The following LOXHD1 variants were observed in gnomAD, a reference collection of about 807,000 sequenced individuals.
LOXHD1 encodes the protein lipoxygenase homology PLAT domains 1.
Under a neutral mutation model 248.2 loss-of-function variants are expected in LOXHD1, and 205 were observed. The observed-to-expected ratio is 0.83, with a 90% CI of 0.74 to 0.93. LOXHD1 has a LOEUF of 0.93. Ranked by LOEUF, LOXHD1 falls within the 40% of genes least tolerant of loss-of-function variation. The probability of loss-of-function intolerance (pLI) is 0.00; values close to 1 mark genes in which losing one functional copy is unlikely to be tolerated. For missense variants in LOXHD1, 2,930 were observed against 2,971.6 expected (o/e 0.99, Z 0.33); for synonymous variants, 1,113 against 1,162.8 (o/e 0.96, Z 0.87).
intron 10 of LOXHD1, among the ~76,000 whole-genome samples, chr18:46,593,199 A>T (rs200609583): frequency 1.0e-4 from 7 of 69,586 alleles, no homozygotes; most frequent in Non-Finnish European, 1.6e-4. Flanking sequence ...GCTGAATTTT[A>T]AAAAAAGTTC....
At chr18:46,652,103 A>T (rs1252985566) in intron 1 of LOXHD1, among the ~76,000 whole-genome samples, 1 of 152,236 alleles carries the variant, frequency 6.6e-6, no homozygotes, top group Non-Finnish European at 1.5e-5. Context: ...TCTCAAGTGC[A>T]TTCTATGCAC....
intron 1 of LOXHD1, among the ~76,000 whole-genome samples, chr18:46,653,622 G>C (rs1026842607): frequency 6.6e-6 from 1 of 152,192 alleles, no homozygotes; most frequent in Non-Finnish European, 1.5e-5. Flanking sequence ...CTTAGCAACA[G>C]CCCAGCACAT....
chr18:46,643,513 C>T (rs1225098546), intron 2 of LOXHD1, among the ~76,000 whole-genome samples: 1 of 152,186 alleles, frequency 6.6e-6, no homozygotes, highest in Admixed American at 6.5e-5. Flanking sequence ...TTAAAGGGAA[C>T]TAAATCAAAC....
intron 20 of LOXHD1, chr18:46,558,997 C>T: frequency 1.9e-6 from 1 of 533,878 alleles, no homozygotes; most frequent in African/African-American, 1.9e-5. Flanking sequence ...ATTTCCACCT[C>T]CATATCTTTG....
intron 32 of LOXHD1, 73 bp downstream of exon 32, chr18:46,522,028 G>T: frequency 5.3e-6 from 3 of 566,262 alleles, no homozygotes; most frequent in South Asian, 1.8e-5. Context: ...GCACTCTCCC[G>T]CCCACCCAGG....
At chr18:46,615,912 T>C (rs2144323294) in intron 5 of LOXHD1, among the ~76,000 whole-genome samples, 1 of 152,352 alleles carries the variant, frequency 6.6e-6, no homozygotes, top group East Asian at 1.9e-4. Context: ...CATCATTCTT[T>C]TTGTCATTAT....
Position 46,646,531 on chromosome 18 carries a change from T to TA in LOXHD1, c.245+2623dup, listed in dbSNP as rs142252806. ...ACTGTGCTCAGATGATCTCTGTTGA[T>TA]ACGGTAAGTTGAAACTCCACCGGTC... On this transcript the variant is annotated intron_variant, in intron 2 of 40. Coordinates refer to ENST00000642948, the MANE Select transcript of LOXHD1 (RefSeq NM_001384474.1). Among the ~76,000 whole-genome samples the TA allele has an allele frequency of 7.2e-5, 11 of 152,298 alleles. No homozygotes were observed. In the East Asian group the frequency reaches 1.7e-3, roughly 24 times the overall value.
rs148468627 is a variant in LOXHD1, at chr18:46,477,695, C to T, written c.6599G>A (p.Arg2200Gln). 1,439 of 1,551,908 alleles carry T rather than the reference C, an allele frequency of 9.3e-4. 16 individuals are homozygous for T. The East Asian group carries it at 0.032, about 35-fold the overall frequency. The change falls in exon 41 of 41, where the codon CGG becomes CAG. Residue 2200 changes from arginine (R) to glutamine (Q), a missense_variant. Transcript: ENST00000642948. Reference protein sequence around the residue: ...LKQKMRNLFERGSTDRFFLET... With the variant: ...LKQKMRNLFEQGSTDRFFLET... ...CAGGAAGAAGCGGTCTGTGCTGCCC[C>T]GCTCGAAGAGGTTGCGCATTTTCTG...
At chr18:46,573,530 G>A (rs1443779177) in intron 14 of LOXHD1, among the ~76,000 whole-genome samples, 1 of 152,158 alleles carries the variant, frequency 6.6e-6, no homozygotes, top group East Asian at 1.9e-4. Flanking sequence ...ACTGGTTGTT[G>A]CAGCCCACTC....
intron 17 of LOXHD1, 101 bp from the exon 18 acceptor site, chr18:46,563,326 G>A (rs2037568966): frequency 4.2e-6 from 5 of 1,181,646 alleles, no homozygotes; most frequent in African/African-American, 1.5e-5. Context: ...CAGGTGCCTG[G>A]CGCTTTACAG....
intron 37 of LOXHD1, among the ~76,000 whole-genome samples, chr18:46,494,847 CTCTTT>C (rs1459039026): frequency 3.7e-4 from 42 of 113,422 alleles, no homozygotes; most frequent in African/African-American, 6.4e-4. Flanking sequence ...TTTTCTCTCT[CTCTTT>C]TTTTTTTTTT....
chr18:46,563,543 C>T (rs1334615444), intron 17 of LOXHD1, among the ~76,000 whole-genome samples: 2 of 152,288 alleles, frequency 1.3e-5, no homozygotes, highest in African/African-American at 4.8e-5. Flanking sequence ...TGCTGTGTGC[C>T]TGCCTGCTAC....
At position 46,477,299 on chromosome 18, in the gene LOXHD1, T is replaced by C; in HGVS notation, c.*173A>G. On this transcript the variant is annotated 3_prime_UTR_variant, in exon 41 of 41. Transcript: ENST00000642948. ...TATGACACATGCTAATTATTATCAC[T>C]GTAGGTTCAATAAACTGGGGGTAGG... 1 of 861,730 alleles carries C rather than the reference T, an allele frequency of 1.2e-6. No homozygotes were observed. The highest frequency in any genetic ancestry group is 1.9e-6 in the Non-Finnish European group (1 of 519,450). The allele number at this position is 861,730 out of a possible 1,614,324, so 53.4% of individuals were successfully genotyped here.
chr18:46,551,570 C>A (rs1424636892), intron 21 of LOXHD1, among the ~76,000 whole-genome samples: 4 of 152,118 alleles, frequency 2.6e-5, no homozygotes, highest in Non-Finnish European at 5.9e-5. Flanking sequence ...AATATGACAT[C>A]ACTATTAATA....
chr18:46,500,383 T>C (rs1456381230), intron 37 of LOXHD1, among the ~76,000 whole-genome samples: 2 of 152,202 alleles, frequency 1.3e-5, no homozygotes, highest in African/African-American at 4.8e-5. Context: ...TGAAGAAAGT[T>C]CTCCAGCATC....
At chr18:46,487,096 G>A (rs960910101) in intron 38 of LOXHD1, among the ~76,000 whole-genome samples, 9 of 152,144 alleles carry the variant, frequency 5.9e-5, no homozygotes, top group Admixed American at 3.3e-4. Context: ...CTCCCGTGGG[G>A]CCAGCACACC....
chr18:46,635,031 C>T (rs1252109878), intron 4 of LOXHD1, among the ~76,000 whole-genome samples: 3 of 151,938 alleles, frequency 2.0e-5, no homozygotes, highest in Non-Finnish European at 4.4e-5. Flanking sequence ...GCTAATGGTC[C>T]CCTGTCTGGA....
chr18:46,645,315 G>A (rs993710162), intron 2 of LOXHD1, among the ~76,000 whole-genome samples: 5 of 152,198 alleles, frequency 3.3e-5, no homozygotes, highest in African/African-American at 4.8e-5. Flanking sequence ...CTCACATAAA[G>A]GCTAAGGCAG....
chr18:46,543,775 C>A (rs1265787578), intron 23 of LOXHD1, among the ~76,000 whole-genome samples: 1 of 152,092 alleles, frequency 6.6e-6, no homozygotes, highest in Admixed American at 6.6e-5. Flanking sequence ...TGGTGGAGCT[C>A]TAAGTCAATG....
Sources: gnomAD v4.1 joint callset for allele counts (sites outside exome capture counted in the v4.1 genomes callset) on GRCh38, gnomAD v4.1.1 for gene constraint, MANE v1.5 for transcripts, NCBI Gene and HGNC (gene_info 2026-07-23, HGNC 2026-07-21) for gene names.